SUN1: variants seen among roughly 807,000 people sequenced by gnomAD.
SUN1 encodes the protein SUN domain-containing protein 1.
A neutral mutation model predicts 103.2 loss-of-function variants in SUN1; 61 were observed. The observed-to-expected ratio is 0.59, with a 90% confidence interval of 0.48 to 0.73. SUN1 has a LOEUF of 0.73. SUN1 is among the 30% of genes least tolerant of loss of function. The probability of loss-of-function intolerance (pLI) is 0.00; values close to 1 mark genes in which losing one functional copy is unlikely to be tolerated. For synonymous variants in SUN1, 490 were observed against 425.7 expected (o/e 1.15, Z -1.86); for missense variants, 1,052 against 1,034.6 (o/e 1.02, Z -0.23).
intron 1 of SUN1, among the ~76,000 whole-genome samples, chr7:837,630 C>T (rs1297518416): frequency 3.3e-5 from 5 of 152,164 alleles, no homozygotes; most frequent in South Asian, 4.1e-4. Context: ...TGGAGACCTC[C>T]GTTTGAAATT....
chr7:854,390 G>A (rs9791614), intron 10 of SUN1, among the ~76,000 whole-genome samples: 17,497 of 152,328 alleles, frequency 0.11, 1,180 homozygotes, highest in South Asian at 0.23. Context: ...ACATATGGCC[G>A]TGTACATTTA....
In SUN1 at chr7:873,253, T is replaced by G. The variant is rs759507400; in HGVS notation, c.2280T>G (p.Leu760=). 1.9e-6 allele frequency: 3 copies of G among 1,614,248 alleles called. No individual in the cohort carries two copies. Among genetic ancestry groups the G allele is most frequent in the Non-Finnish European group, 1.7e-6 (2 of 1,180,040 alleles). The change falls in exon 19 of 19, where the codon CTT becomes CTG. Residue 760 remains leucine (L), a synonymous_variant. Coordinates refer to ENST00000401592, the MANE Select transcript of SUN1 (RefSeq NM_001130965.3). ...PDDTAFQIVE[L]RIFSNWGHPE... is the part of the protein sequence containing the mutation. The stretch of plus-strand genomic sequence containing the variant: ...ACACAGCTTTCCAAATAGTGGAACT[T>G]CGGATTTTTTCTAACTGGGGCCATC...
chr7:860,415 A>G, intron 14 of SUN1, 33 bp downstream of exon 14: 1 of 1,606,922 alleles, frequency 6.2e-7, no homozygotes. Context: ...AGAGATGCTT[A>G]CAGTCCATTC....
At chr7:870,518 G>A (rs963207605) in intron 17 of SUN1, among the ~76,000 whole-genome samples, 3 of 152,042 alleles carry the variant, frequency 2.0e-5, no homozygotes, top group Admixed American at 6.6e-5. Context: ...CCCAGGAGGC[G>A]GTGGTCACAG....
chr7:816,787 C>T (rs1030288065), intron 1 of SUN1: 3 of 147,876 alleles, frequency 2.0e-5, no homozygotes, highest in Non-Finnish European at 4.5e-5. Context: ...TGGGCGCCCT[C>T]AGCGCGGGCT....
At chr7:862,091 G>A (rs533052627) in intron 15 of SUN1, among the ~76,000 whole-genome samples, 2 of 152,242 alleles carry the variant, frequency 1.3e-5, no homozygotes, top group East Asian at 1.9e-4. Context: ...CGAAAGAACC[G>A]TGAGAGGAGA....
chr7:839,122 C>A, intron 2 of SUN1, 136 bp downstream of exon 2: 1 of 815,676 alleles, frequency 1.2e-6, no homozygotes, highest in Non-Finnish European at 1.7e-6. Flanking sequence ...TACAGACACA[C>A]AAACCTGTCA....
chr7:845,464 A>G (rs895281556), intron 5 of SUN1, among the ~76,000 whole-genome samples: 1 of 152,216 alleles, frequency 6.6e-6, no homozygotes, highest in Non-Finnish European at 1.5e-5. Flanking sequence ...TATTAGAGTA[A>G]AACATGTTTA....
At chr7:834,730 T>A (rs546640690) in intron 1 of SUN1, among the ~76,000 whole-genome samples, 2 of 152,344 alleles carry the variant, frequency 1.3e-5, no homozygotes, top group African/African-American at 4.8e-5. Context: ...CAGTAAACAC[T>A]GAAAGGATAG....
At chr7:866,779 C>G (rs1324789186) in intron 16 of SUN1, among the ~76,000 whole-genome samples, 1 of 137,538 alleles carries the variant, frequency 7.3e-6, no homozygotes, top group African/African-American at 2.9e-5. Flanking sequence ...TCGCCCACCC[C>G]TCCCCGCCCC....
chr7:838,980 C>T lies in SUN1; in HGVS notation c.260C>T (p.Ala87Val), dbSNP rs371152290. 2.2e-5 allele frequency: 35 copies of T among 1,579,974 alleles called. 1 individual carries two copies. In the African/African-American group the frequency reaches 2.7e-4, roughly 12 times the overall value. The stretch of plus-strand genomic sequence containing the variant: ...AGCGCTGTCTCCCTGAAGAACCGAG[C>T]GGCCAGGTGAGCACCGCTGCACTTC... ...TSSAVSLKNR[A>V]ARTTKQRRST... Residue 87 changes from alanine to valine, a missense_variant, in exon 2 of 19, where the codon GCG (alanine) becomes GTG (valine). Coordinates refer to ENST00000401592, the MANE Select transcript of SUN1 (RefSeq NM_001130965.3).
At chr7:834,300 C>G (rs889229585) in intron 1 of SUN1, among the ~76,000 whole-genome samples, 15 of 152,062 alleles carry the variant, frequency 9.9e-5, no homozygotes, top group African/African-American at 2.2e-4. Flanking sequence ...GTGGGGGGCT[C>G]TCTGAGGTTG....
chr7:825,354 A>G (rs998778805), intron 1 of SUN1, among the ~76,000 whole-genome samples: 3 of 152,200 alleles, frequency 2.0e-5, no homozygotes, highest in African/African-American at 7.2e-5. Context: ...GAGCCACCGC[A>G]CTTGGCCTAT....
chr7:833,563 G>A (rs572742915), intron 1 of SUN1, among the ~76,000 whole-genome samples: 50 of 152,144 alleles, frequency 3.3e-4, no homozygotes, highest in Admixed American at 8.5e-4. Flanking sequence ...CACCCACCTC[G>A]GCCTCCCAAA....
chr7:869,307 G>A, intron 16 of SUN1, 42 bp from the exon 17 acceptor site: 1 of 1,596,778 alleles, frequency 6.3e-7, no homozygotes, highest in African/African-American at 1.3e-5. Flanking sequence ...GTGGGTAAGA[G>A]CATGCTCACA....
intron 2 of SUN1, 143 bp downstream of exon 2, chr7:839,129 G>A (rs1413248761): frequency 9.0e-6 from 7 of 777,072 alleles, no homozygotes; most frequent in African/African-American, 1.8e-5. Flanking sequence ...ACACAAACCT[G>A]TCATATAAAG....
rs953733939 is a variant in SUN1 at position 873,234 on chromosome 7, C to T, written c.2261C>T (p.Ala754Val). Residue 754 changes from alanine (A) to valine (V), a missense_variant, in exon 19 of 19, where the codon GCT becomes GTT. By Grantham distance (64) the Ala-to-Val change is moderately conservative. Transcript: ENST00000401592. ...TTTCAGAAAAGACCCGACGACACAG[C>T]TTTCCAAATAGTGGAACTTCGGATT... ...FQALKRPDDTAFQIVELRIFS... is the reference protein window; with the variant it reads ...FQALKRPDDTVFQIVELRIFS... 1.2e-6 allele frequency: 2 copies of T among 1,614,112 alleles called. No individual in the cohort carries two copies. Among genetic ancestry groups the T allele is most frequent in the Non-Finnish European group, 8.5e-7 (1 of 1,180,040 alleles).
At chr7:832,639 A>C (rs751756998) in intron 1 of SUN1, 38 bp downstream of exon 1, 7 of 1,556,424 alleles carry the variant, frequency 4.5e-6, no homozygotes, top group Non-Finnish European at 6.2e-6. Context: ...TGGCCTTGCA[A>C]TGCCCACTCG....
chr7:816,492 C>T, upstream of SUN1: 1 of 266,264 alleles, frequency 3.8e-6, no homozygotes, highest in Non-Finnish European at 7.5e-6. Flanking sequence ...GCCCCTCCGC[C>T]CGCGGCCCGT....
Sources: gnomAD v4.1 joint callset for allele counts (sites outside exome capture counted in the v4.1 genomes callset) on GRCh38, gnomAD v4.1.1 for gene constraint, MANE v1.5 for transcripts, NCBI Gene and HGNC (gene_info 2026-07-23, HGNC 2026-07-21) for gene names.